NEK1: variants seen among roughly 807,000 people sequenced by gnomAD.
NEK1 encodes NIMA related kinase 1.
In NEK1, 137 loss-of-function variants were observed where a neutral mutation model predicts 182.1. That is an observed-to-expected ratio of 0.75 (90% CI 0.65 to 0.87). NEK1 has a LOEUF of 0.87. Ranked by LOEUF, NEK1 falls within the 40% of genes least tolerant of loss-of-function variation. The pLI is 0.00. For synonymous variants in NEK1, 513 were observed against 492.2 expected, an observed-to-expected ratio of 1.04 and a Z score of -0.56; for missense variants, 1,391 against 1,494.4, an observed-to-expected ratio of 0.93 and a Z score of 1.14.
chr4:169,406,641 A>G lies in NEK1; in HGVS notation c.3329T>C (p.Ile1110Thr), dbSNP rs369614506. The G allele has an allele frequency of 1.2e-5, 19 of 1,607,522 alleles. No individual in the cohort carries two copies. In the African/African-American group the frequency reaches 2.3e-4, roughly 19 times the overall value. Reference protein sequence around the residue: ...VRQDNLEIDEIEDENIKEGPS... With the variant: ...VRQDNLEIDETEDENIKEGPS... ...TCCTTCTTTAATGTTTTCATCTTCA[A>G]TTTCATCTATTTCAAGATTGTCTTG... Residue 1110 changes from isoleucine (I) to threonine (T), a missense_variant, in exon 32 of 36, where the codon ATT becomes ACT. Ile to Thr is a moderately conservative substitution (Grantham distance 89). This residue lies in a region of NEK1 where 1,216 missense variants were observed against 1,277.6 expected (regional missense o/e 0.95). Transcript: ENST00000507142.
intron 5 of NEK1, among the ~76,000 whole-genome samples, chr4:169,595,499 TAAG>T (rs1274511837): frequency 6.6e-6 from 1 of 152,208 alleles, no homozygotes; most frequent in Non-Finnish European, 1.5e-5. Context: ...ATGGGTTCGA[TAAG>T]AATCTATATT....
intron 26 of NEK1, among the ~76,000 whole-genome samples, chr4:169,469,524 GTGTT>G (rs1386817500): frequency 2.0e-5 from 3 of 152,164 alleles, no homozygotes; most frequent in African/African-American, 7.2e-5. Context: ...TTGCTGAGGA[GTGTT>G]TTACTTCCAA....
chr4:169,453,573 G>T (rs1162885282), intron 27 of NEK1, among the ~76,000 whole-genome samples: 1 of 152,216 alleles, frequency 6.6e-6, no homozygotes, highest in African/African-American at 2.4e-5. Context: ...GGAACACCTG[G>T]CCCGCCCAGG....
chr4:169,593,634 T>A (rs1268536819), intron 5 of NEK1, among the ~76,000 whole-genome samples: 1 of 152,214 alleles, frequency 6.6e-6, no homozygotes, highest in Non-Finnish European at 1.5e-5. Flanking sequence ...TAGTTCAGAC[T>A]CTTGCTACAT....
At chr4:169,575,441 A>G (rs1001895515) in intron 12 of NEK1, among the ~76,000 whole-genome samples, 7 of 152,216 alleles carry the variant, frequency 4.6e-5, no homozygotes, top group Non-Finnish European at 1.0e-4. Context: ...AAGTGGGACA[A>G]ACAGCAGCAC....
At chr4:169,558,560 G>A (rs911323416) in intron 16 of NEK1, among the ~76,000 whole-genome samples, 4 of 152,104 alleles carry the variant, frequency 2.6e-5, no homozygotes, top group Non-Finnish European at 5.9e-5. Flanking sequence ...TTCACTCACA[G>A]GTTTTTAAGA....
intron 16 of NEK1, 131 bp from the exon 17 acceptor site, chr4:169,556,226 C>T (rs1322646181): frequency 1.2e-6 from 1 of 805,556 alleles, no homozygotes; most frequent in African/African-American, 1.7e-5. Flanking sequence ...AACATACTAA[C>T]AAACATAAAG....
chr4:169,424,305 T>C (rs1735984426), intron 31 of NEK1, among the ~76,000 whole-genome samples: 1 of 152,084 alleles, frequency 6.6e-6, no homozygotes, highest in South Asian at 2.1e-4. Flanking sequence ...CATGAGGGTA[T>C]ATAAAGGGAC....
At chr4:169,569,693 T>C (rs1383154023) in intron 12 of NEK1, among the ~76,000 whole-genome samples, 1 of 152,122 alleles carries the variant, frequency 6.6e-6, no homozygotes, top group Non-Finnish European at 1.5e-5. Context: ...GGGGTTTCGC[T>C]GTGTTGGCCG....
chr4:169,438,556 T>G (rs1738846192), intron 27 of NEK1, among the ~76,000 whole-genome samples: 1 of 152,368 alleles, frequency 6.6e-6, no homozygotes, highest in African/African-American at 2.4e-5. Context: ...TGATTCTGTT[T>G]ATATGAAGTA....
intron 18 of NEK1, among the ~76,000 whole-genome samples, chr4:169,545,417 A>C (rs1391919579): frequency 2.0e-5 from 3 of 151,176 alleles, no homozygotes; most frequent in African/African-American, 7.3e-5. Flanking sequence ...TCCATGGTGT[A>C]TATATGCCAC....
intron 1 of NEK1, 36 bp downstream of exon 1, chr4:169,612,186 G>A (rs984352098): frequency 1.3e-5 from 2 of 152,350 alleles, no homozygotes; most frequent in African/African-American, 4.8e-5. Context: ...GCAGCTCACA[G>A]TCCAGACTGA....
intron 31 of NEK1, among the ~76,000 whole-genome samples, chr4:169,421,113 G>A (rs1454908353): frequency 6.6e-6 from 1 of 152,102 alleles, no homozygotes; most frequent in Non-Finnish European, 1.5e-5. Context: ...AGTGATAAAA[G>A]GATTCATTTC....
At chr4:169,556,233 A>C in intron 16 of NEK1, 138 bp from the exon 17 acceptor site, 1 of 716,648 alleles carries the variant, frequency 1.4e-6, no homozygotes, top group Non-Finnish European at 2.1e-6. Context: ...TAACAAACAT[A>C]AAGCCTAAAG....
At chr4:169,580,576 G>A (rs757168467) in intron 11 of NEK1, among the ~76,000 whole-genome samples, 8 of 149,418 alleles carry the variant, frequency 5.4e-5, no homozygotes, top group Non-Finnish European at 7.4e-5. Context: ...CTATAACAAC[G>A]TTCTCAAAAT....
chr4:169,427,415 T>A (rs1002850705), intron 29 of NEK1, among the ~76,000 whole-genome samples: 1 of 145,356 alleles, frequency 6.9e-6, no homozygotes, highest in African/African-American at 2.5e-5. Context: ...CATGAGCCAC[T>A]GCGCCCGGCC....
chr4:169,561,582 C>T, intron 15 of NEK1, 28 bp from the exon 16 acceptor site: 1 of 1,606,080 alleles, frequency 6.2e-7, no homozygotes, highest in Non-Finnish European at 8.5e-7. Flanking sequence ...AAACAAAACA[C>T]CATTTCAAGT....
At chr4:169,395,502 C>A (rs1209412344) in intron 35 of NEK1, among the ~76,000 whole-genome samples, 1 of 152,196 alleles carries the variant, frequency 6.6e-6, no homozygotes, top group Non-Finnish European at 1.5e-5. Context: ...CAGAATCCAA[C>A]TTTGATGTCC....
chr4:169,407,676 T>A (rs547772611), intron 31 of NEK1, among the ~76,000 whole-genome samples: 2 of 152,164 alleles, frequency 1.3e-5, no homozygotes, highest in Non-Finnish European at 2.9e-5. Flanking sequence ...ACTAACTACA[T>A]ACATAACTCT....
Sources: gnomAD v4.1 joint callset for allele counts (sites outside exome capture counted in the v4.1 genomes callset) on GRCh38, gnomAD v4.1.1 for gene constraint, gnomAD v4.1.1 regional missense constraint, MANE v1.5 for transcripts, NCBI Gene and HGNC (gene_info 2026-07-23, HGNC 2026-07-21) for gene names.